The following PCNX1 variants were observed in gnomAD, a reference collection of about 807,000 sequenced individuals.
The protein encoded by PCNX1 is pecanex-like protein 1.
A neutral mutation model predicts 242.2 loss-of-function variants in PCNX1; 78 were observed. The observed-to-expected ratio is 0.32, with a 90% confidence interval of 0.27 to 0.39. The LOEUF is 0.39. PCNX1 is among the 10% of genes least tolerant of loss of function. The pLI, the probability that PCNX1 is intolerant of heterozygous loss-of-function variation, is 1.00. For synonymous variants in PCNX1, 1,024 were observed against 1,032.9 expected (o/e 0.99, Z 0.17); for missense variants, 2,581 against 2,856.5 (o/e 0.90, Z 2.20).
chr14:71,100,679 AT>A (rs199863969), intron 30 of PCNX1, among the ~76,000 whole-genome samples: 2,161 of 152,256 alleles, frequency 0.014, 24 homozygotes, highest in Middle Eastern at 0.034. Context: ...TCCCTCAAAT[AT>A]GTTTTTCAGG....
chr14:70,969,695 A>T (rs2058483409), intron 5 of PCNX1, among the ~76,000 whole-genome samples: 1 of 152,178 alleles, frequency 6.6e-6, no homozygotes, highest in Non-Finnish European at 1.5e-5. Context: ...AGACCTTTAC[A>T]TGTACTGTGT....
chr14:71,073,010 A>G (rs1175787845), intron 26 of PCNX1, among the ~76,000 whole-genome samples: 1 of 152,250 alleles, frequency 6.6e-6, no homozygotes, highest in Non-Finnish European at 1.5e-5. Context: ...CACACGAATT[A>G]TCAGACCCGT....
rs200378742 is a variant in PCNX1 at position 71,057,683 on chromosome 14, A to G, written c.4811A>G (p.Asn1604Ser). 24 of 1,613,830 alleles carry G rather than the reference A, an allele frequency of 1.5e-5. No homozygotes were observed. Among genetic ancestry groups the G allele is most frequent in the Non-Finnish European group, 1.9e-5 (23 of 1,179,860 alleles). The change falls in exon 26 of 36, where the codon AAT (asparagine) becomes AGT (serine). Residue 1604 changes from asparagine (N) to serine (S), a missense_variant. Transcript: ENST00000304743. ...TTAGTACACCTTATAGAGATAGGCA[A>G]TGGTCTGGTCACTTTTCAGCTGCGG... Reference protein sequence around the residue: ...NALVHLIEIGNGLVTFQLRGL... With the variant: ...NALVHLIEIGSGLVTFQLRGL...
chr14:70,928,859 T>C (rs542589950), intron 1 of PCNX1, among the ~76,000 whole-genome samples: 1 of 152,222 alleles, frequency 6.6e-6, no homozygotes, highest in Admixed American at 6.5e-5. Flanking sequence ...TAACCAGTTA[T>C]AATTCTCAGA....
At chr14:71,091,828 G>A (rs970057990) in intron 30 of PCNX1, among the ~76,000 whole-genome samples, 2 of 152,174 alleles carry the variant, frequency 1.3e-5, no homozygotes, top group Admixed American at 1.3e-4. Flanking sequence ...TAATTTCGTA[G>A]TCACCTTCTG....
chr14:71,009,490 A>G (rs901053307), intron 8 of PCNX1, 144 bp from the exon 9 acceptor site: 1 of 443,476 alleles, frequency 2.3e-6, no homozygotes, highest in Admixed American at 3.8e-5. Context: ...GCTGAATTAC[A>G]TGCAGATCAT....
At chr14:71,017,443 G>C (rs1274840440) in intron 11 of PCNX1, among the ~76,000 whole-genome samples, 1 of 152,104 alleles carries the variant, frequency 6.6e-6, no homozygotes, top group African/African-American at 2.4e-5. Flanking sequence ...AACATAGCAA[G>C]ACCCCATTTC....
chr14:71,047,247 T>C, intron 21 of PCNX1, 142 bp downstream of exon 21: 1 of 473,190 alleles, frequency 2.1e-6, no homozygotes, highest in African/African-American at 2.0e-5. Flanking sequence ...ATTTTGTCCT[T>C]GACTTACCTT....
At chr14:71,103,373 T>C in intron 31 of PCNX1, 22 bp from the exon 32 acceptor site, 1 of 1,611,212 alleles carries the variant, frequency 6.2e-7, no homozygotes, top group Non-Finnish European at 8.5e-7. Context: ...TTAACCTAAT[T>C]CCCTTGTGTT....
At chr14:70,971,977 T>C (rs1289811935) in intron 5 of PCNX1, among the ~76,000 whole-genome samples, 3 of 152,302 alleles carry the variant, frequency 2.0e-5, no homozygotes, top group South Asian at 2.1e-4. Flanking sequence ...TTCAGTGGAA[T>C]CACTCCGGCT....
intron 1 of PCNX1, 70 bp downstream of exon 1, chr14:70,908,073 C>G (rs2055643973): frequency 1.2e-5 from 17 of 1,409,876 alleles, no homozygotes; most frequent in Non-Finnish European, 1.5e-5. Context: ...GGGTCGCGCC[C>G]TCTTCCTCTT....
At chr14:70,953,338 T>C (rs1332853805) in intron 2 of PCNX1, among the ~76,000 whole-genome samples, 1 of 152,160 alleles carries the variant, frequency 6.6e-6, no homozygotes, top group Non-Finnish European at 1.5e-5. Flanking sequence ...CAGTTAAGCT[T>C]TCTGATTACT....
At chr14:71,076,611 C>T (rs1026348731) in intron 28 of PCNX1, among the ~76,000 whole-genome samples, 192 bp downstream of exon 28, 1 of 152,174 alleles carries the variant, frequency 6.6e-6, no homozygotes, top group African/African-American at 2.4e-5. Flanking sequence ...GAAGTGGCCT[C>T]CCTCTTTCTT....
intron 28 of PCNX1, among the ~76,000 whole-genome samples, chr14:71,081,698 G>C (rs921706797): frequency 6.6e-6 from 1 of 152,124 alleles, no homozygotes; most frequent in Non-Finnish European, 1.5e-5. Context: ...ATTTCTGTGG[G>C]ATCAGTGGTG....
intron 13 of PCNX1, 139 bp downstream of exon 13, chr14:71,023,371 T>C: frequency 1.5e-6 from 1 of 663,132 alleles, no homozygotes. Flanking sequence ...TCCTCATCTA[T>C]GTTTTGACAC....
chr14:71,029,096 A>G (rs1047981983), intron 16 of PCNX1, among the ~76,000 whole-genome samples: 1 of 152,132 alleles, frequency 6.6e-6, no homozygotes, highest in Non-Finnish European at 1.5e-5. Flanking sequence ...ATATGAAATC[A>G]ATTTTAAAAT....
chr14:71,075,812 G>C (rs773692283), intron 27 of PCNX1, among the ~76,000 whole-genome samples: 18 of 152,040 alleles, frequency 1.2e-4, no homozygotes, highest in Non-Finnish European at 2.2e-4. Context: ...CTTGAACCCA[G>C]GAGATAGAGG....
intron 1 of PCNX1, among the ~76,000 whole-genome samples, chr14:70,919,077 T>A (rs1237532231): frequency 6.6e-6 from 1 of 151,458 alleles, no homozygotes; most frequent in Non-Finnish European, 1.5e-5. Context: ...GAGGCGGGGG[T>A]CTTGGTATGT....
In PCNX1 at chr14:70,977,549, G is replaced by C; in HGVS notation, c.1212G>C (p.Gln404His). The change falls in exon 6 of 36, where the codon CAG (glutamine) becomes CAC (histidine). Residue 404 changes from glutamine to histidine, a missense_variant. Gln to His is a conservative substitution (Grantham distance 24). Around this residue, in one of 9 missense-constraint regions of PCNX1, gnomAD observed 1,204 missense variants for 1,216.7 expected, o/e 0.99. Coordinates refer to ENST00000304743, the MANE Select transcript of PCNX1 (RefSeq NM_014982.3). ...CTGTCAGCAGCTATAAAAGTGAGCA[G>C]ACCAGCTCAACTCACATAGAGAGCA... ...NSTVSSYKSE[Q>H]TSSTHIESIL... The C allele has an allele frequency of 6.2e-7, 1 of 1,614,168 alleles. No homozygotes were observed. Among genetic ancestry groups the C allele is most frequent in the South Asian group, 1.1e-5 (1 of 91,080 alleles).
Sources: gnomAD v4.1 joint callset for allele counts (sites outside exome capture counted in the v4.1 genomes callset) on GRCh38, gnomAD v4.1.1 for gene constraint, gnomAD v4.1.1 regional missense constraint, MANE v1.5 for transcripts, NCBI Gene and HGNC (gene_info 2026-07-23, HGNC 2026-07-21) for gene names.